EYS: variants seen among roughly 807,000 people sequenced by gnomAD.
The protein encoded by EYS is EGF-like photoreceptor maintenance factor.
In EYS, 250 loss-of-function variants were observed where a neutral mutation model predicts 282.1. The ratio of observed to expected loss-of-function variants is 0.89; its 90% CI spans 0.80 to 0.98. The LOEUF is 0.98. EYS is among the 50% of genes least tolerant of loss of function. The pLI, the probability that EYS is intolerant of heterozygous loss-of-function variation, is 0.00. For missense variants in EYS, 4,016 were observed against 3,709.0 expected (o/e 1.08, Z -2.15); for synonymous variants, 1,355 against 1,282.9 (o/e 1.06, Z -1.20).
intron 1 of EYS, among the ~76,000 whole-genome samples, chr6:65,688,633 G>A (rs935986626): frequency 1.3e-5 from 2 of 152,022 alleles, no homozygotes; most frequent in Admixed American, 1.3e-4. Context: ...ATCTGAAAAA[G>A]GGATAATATC....
chr6:63,962,740 C>T (rs763824390), intron 35 of EYS, among the ~76,000 whole-genome samples: 10 of 152,084 alleles, frequency 6.6e-5, no homozygotes, highest in Non-Finnish European at 1.2e-4. Flanking sequence ...ACCATTTGAC[C>T]CAGCCATCGC....
intron 5 of EYS, among the ~76,000 whole-genome samples, chr6:65,487,348 A>G (rs879022082): frequency 2.6e-5 from 4 of 152,152 alleles, no homozygotes; most frequent in African/African-American, 9.7e-5. Context: ...CATACATTCC[A>G]TCGATACCTA....
chr6:64,802,013 A>ATTTTTTTTTT (rs1415788607), intron 22 of EYS, among the ~76,000 whole-genome samples: 1 of 124,174 alleles, frequency 8.1e-6, no homozygotes, highest in Non-Finnish European at 1.7e-5. Context: ...GTTATAACAA[A>ATTTTTTTTTT]TTTCTTTTTC....
intron 9 of EYS, among the ~76,000 whole-genome samples, 177 bp from the exon 10 acceptor site, chr6:65,344,354 C>T (rs563341700): frequency 6.6e-6 from 1 of 151,654 alleles, no homozygotes; most frequent in South Asian, 2.1e-4. Flanking sequence ...GCCCAACACT[C>T]TCATTTTAAA....
At chr6:64,585,075 G>T (rs1766191278) in intron 26 of EYS, among the ~76,000 whole-genome samples, 1 of 152,024 alleles carries the variant, frequency 6.6e-6, no homozygotes. Context: ...ACCAACCCAG[G>T]TGTCAGTCAA....
intron 33 of EYS, among the ~76,000 whole-genome samples, chr6:64,058,509 G>A (rs1321607987): frequency 6.6e-6 from 1 of 152,086 alleles, no homozygotes; most frequent in Non-Finnish European, 1.5e-5. Context: ...GAAGTGGAAG[G>A]AAAAATATAC....
chr6:63,728,281 T>C (rs530296809), intron 41 of EYS, among the ~76,000 whole-genome samples: 120 of 152,334 alleles, frequency 7.9e-4, no homozygotes, highest in Admixed American at 1.7e-3. Context: ...TAATACTTGA[T>C]TTATTTTAAA....
chr6:65,075,969 G>A (rs1185117505), intron 12 of EYS, among the ~76,000 whole-genome samples: 1 of 151,816 alleles, frequency 6.6e-6, no homozygotes, highest in African/African-American at 2.4e-5. Flanking sequence ...ATCTGACAGA[G>A]AAGAAAAGCA....
chr6:64,868,201 A>G (rs1766483875), intron 19 of EYS, among the ~76,000 whole-genome samples: 1 of 151,510 alleles, frequency 6.6e-6, no homozygotes, highest in African/African-American at 2.4e-5. Context: ...ATTTTTAAAT[A>G]CTTATTGAAC....
At chr6:63,786,844 T>C (rs1381123543) in intron 39 of EYS, among the ~76,000 whole-genome samples, 1 of 152,176 alleles carries the variant, frequency 6.6e-6, no homozygotes, top group Admixed American at 6.5e-5. Context: ...TAAGAAGTTA[T>C]CCTATATTAT....
At chr6:64,989,799 TACACACACACACACACACACACACAC>T (rs3033931) in intron 14 of EYS, among the ~76,000 whole-genome samples, 1 of 140,150 alleles carries the variant, frequency 7.1e-6, no homozygotes, top group South Asian at 2.2e-4. Context: ...TATATATTCA[TACACACACACACACACACACACACAC>T]ACACACACTC....
At chr6:64,317,382 C>A (rs866068376) in intron 29 of EYS, among the ~76,000 whole-genome samples, 2 of 149,050 alleles carry the variant, frequency 1.3e-5, no homozygotes, top group Admixed American at 1.3e-4. Flanking sequence ...TATGAACAGA[C>A]AATTCTCCAA....
intron 31 of EYS, among the ~76,000 whole-genome samples, chr6:64,181,389 A>G (rs773149212): frequency 1.2e-4 from 19 of 152,148 alleles, no homozygotes; most frequent in African/African-American, 2.4e-5. Context: ...ATGATTATTC[A>G]TTATTAAAAA....
intron 22 of EYS, among the ~76,000 whole-genome samples, chr6:64,781,279 A>G (rs528093728): frequency 1.4e-4 from 21 of 152,278 alleles, no homozygotes; most frequent in African/African-American, 5.1e-4. Flanking sequence ...CCACAGACCT[A>G]TTGAATCAGA....
chr6:63,937,865 G>A (rs865795619), intron 35 of EYS, among the ~76,000 whole-genome samples: 1 of 152,110 alleles, frequency 6.6e-6, no homozygotes. Flanking sequence ...CTGTATATAA[G>A]TTATACAGTC....
intron 28 of EYS, among the ~76,000 whole-genome samples, chr6:64,434,257 A>C (rs1283658369): frequency 6.6e-6 from 1 of 152,074 alleles, no homozygotes; most frequent in Non-Finnish European, 1.5e-5. Context: ...GAATTGTGAG[A>C]CTAAATTGCA....
chr6:64,110,904 C>T (rs1391668245), intron 31 of EYS, among the ~76,000 whole-genome samples: 1 of 151,904 alleles, frequency 6.6e-6, no homozygotes, highest in Non-Finnish European at 1.5e-5. Context: ...GCCTGTGTTA[C>T]AGCAGGGCTA....
chr6:64,465,053 A>G (rs181570562), intron 26 of EYS, among the ~76,000 whole-genome samples: 205 of 152,080 alleles, frequency 1.3e-3, no homozygotes, highest in African/African-American at 4.8e-3. Context: ...TAAATTTAAT[A>G]AAAGAGATAA....
chr6:64,030,009 AGCAATCAAAATGG>A lies in EYS; in HGVS notation c.6726-30839_6726-30827del, dbSNP rs921955349. 3.3e-4 allele frequency among the ~76,000 whole-genome samples: 50 copies of A among 152,346 alleles called. No homozygotes were observed. In the Middle Eastern group the frequency reaches 0.01, roughly 31 times the overall value. Reference sequence around the variant, plus strand: ...GGAGGTGGCACTCTTACACTGCCAAAGCAATCAAAATGGGAAGAAGAGGGGAGAACAGCAGCAT... The same window carrying A: ...GGAGGTGGCACTCTTACACTGCCAAAGAAGAAGAGGGGAGAACAGCAGCAT... On this transcript the variant is annotated intron_variant, in intron 33 of 42. Coordinates refer to ENST00000503581, the MANE Select transcript of EYS (RefSeq NM_001142800.2).
Sources: gnomAD v4.1 joint callset for allele counts (sites outside exome capture counted in the v4.1 genomes callset) on GRCh38, gnomAD v4.1.1 for gene constraint, MANE v1.5 for transcripts, NCBI Gene and HGNC (gene_info 2026-07-23, HGNC 2026-07-21) for gene names.